The following RIMS1 variants were observed in gnomAD, a reference collection of about 807,000 sequenced individuals.
RIMS1 encodes regulating synaptic membrane exocytosis protein 1.
RIMS1 carries 83 observed loss-of-function variants against 214.1 expected under a neutral mutation model. The ratio of observed to expected loss-of-function variants is 0.39; its 90% CI spans 0.32 to 0.47. RIMS1 has a LOEUF of 0.47. Among genes scored for constraint, RIMS1 ranks in the 20% least tolerant of loss-of-function variants. The pLI, the probability that RIMS1 is intolerant of heterozygous loss-of-function variation, is 0.99. For synonymous variants in RIMS1, 793 were observed against 786.8 expected (o/e 1.01, Z -0.13); for missense variants, 2,050 against 2,161.8 (o/e 0.95, Z 1.03).
chr6:72,104,919 A>G (rs1351405357), intron 4 of RIMS1, among the ~76,000 whole-genome samples: 1 of 152,020 alleles, frequency 6.6e-6, no homozygotes, highest in Admixed American at 6.6e-5. Flanking sequence ...TAATTCATCC[A>G]TTCACTTATT....
Position 72,095,140 on chromosome 6 carries a change from T to A in RIMS1, c.246-1809T>A, listed in dbSNP as rs947178153. 2.1e-4 allele frequency among the ~76,000 whole-genome samples: 31 copies of A among 144,404 alleles called. 1 individual carries two copies. Among genetic ancestry groups the A allele is most frequent in the Middle Eastern group, 7.2e-3 (2 of 278 alleles). 94.7% of individuals were successfully genotyped at this position (144,404 alleles called of 152,430 possible). A position where few individuals can be genotyped will look rare whatever the true frequency, so the allele number is the denominator to read the frequency against. ...TATTTTTTTTTTTTTTTTTTTTGTA[T>A]TTTTAGTAGAGGCGGGGTTTCACAG... On this transcript the variant is annotated intron_variant, in intron 2 of 33. Transcript: ENST00000521978.
At chr6:71,988,752 C>T (rs1800734010) in intron 2 of RIMS1, among the ~76,000 whole-genome samples, 1 of 152,128 alleles carries the variant, frequency 6.6e-6, no homozygotes, top group Non-Finnish European at 1.5e-5. Context: ...CCATAGCAAA[C>T]TGTAATACAG....
intron 4 of RIMS1, among the ~76,000 whole-genome samples, chr6:72,133,768 T>G (rs1234126372): frequency 6.6e-6 from 1 of 152,166 alleles, no homozygotes; most frequent in Non-Finnish European, 1.5e-5. Context: ...GAGTAAATAA[T>G]GCAGGTGGGA....
intron 31 of RIMS1, 66 bp from the exon 32 acceptor site, chr6:72,398,183 C>A: frequency 1.0e-6 from 1 of 995,004 alleles, no homozygotes; most frequent in Non-Finnish European, 1.6e-6. Flanking sequence ...ACGGGCTCTC[C>A]TTTTTGTTTT....
At chr6:71,894,791 A>G (rs889261606) in intron 1 of RIMS1, among the ~76,000 whole-genome samples, 3 of 152,234 alleles carry the variant, frequency 2.0e-5, no homozygotes, top group African/African-American at 7.2e-5. Context: ...TTTAGATAGT[A>G]AAATAAGGTA....
chr6:71,923,145 T>A (rs969324624), intron 1 of RIMS1, among the ~76,000 whole-genome samples: 3 of 152,240 alleles, frequency 2.0e-5, no homozygotes, highest in Admixed American at 1.3e-4. Flanking sequence ...CCATTTGTAA[T>A]GTTCTACAGT....
intron 29 of RIMS1, among the ~76,000 whole-genome samples, chr6:72,367,427 CT>C (rs2098074237): frequency 2.0e-5 from 3 of 151,914 alleles, no homozygotes; most frequent in African/African-American, 7.3e-5. Context: ...TAAATTTTGC[CT>C]TTTATTTTGT....
At chr6:71,900,551 T>C (rs1287614635) in intron 1 of RIMS1, among the ~76,000 whole-genome samples, 2 of 152,040 alleles carry the variant, frequency 1.3e-5, no homozygotes, top group Non-Finnish European at 2.9e-5. Context: ...GTGGCAGATG[T>C]TAGAAGCAGA....
intron 4 of RIMS1, among the ~76,000 whole-genome samples, chr6:72,145,547 G>A (rs925939583): frequency 1.3e-5 from 2 of 152,114 alleles, no homozygotes; most frequent in South Asian, 4.1e-4. Context: ...GGGAGGCAGA[G>A]GTTGCAGTGA....
At chr6:72,019,179 A>C (rs764813712) in intron 2 of RIMS1, among the ~76,000 whole-genome samples, 1 of 152,218 alleles carries the variant, frequency 6.6e-6, no homozygotes, top group Non-Finnish European at 1.5e-5. Context: ...GAAAATACTT[A>C]TATGAATTTT....
intron 2 of RIMS1, among the ~76,000 whole-genome samples, chr6:72,080,512 C>CGTAT (rs1481494824): frequency 6.6e-6 from 1 of 152,148 alleles, no homozygotes; most frequent in Non-Finnish European, 1.5e-5. Context: ...CCAGAGGGAG[C>CGTAT]GTATGAAAAT....
chr6:72,379,211 T>C (rs147488753), intron 29 of RIMS1, among the ~76,000 whole-genome samples: 38 of 152,362 alleles, frequency 2.5e-4, no homozygotes, highest in African/African-American at 8.9e-4. Flanking sequence ...TAATCAAGAC[T>C]CTTACATAAT....
chr6:72,260,806 G>A, intron 19 of RIMS1, 39 bp downstream of exon 19: 2 of 1,606,314 alleles, frequency 1.2e-6, no homozygotes. Context: ...TGTGTGTGAT[G>A]ACTCTCTTTC....
At position 72,401,937 on chromosome 6, in the gene RIMS1, T is replaced by TG. The variant is rs913938146; in HGVS notation, c.*1229dup. Reference sequence around the variant, plus strand: ...TTTTAATGCAAAGTATCTTACTTTTTGGGGGGAAAATAAACAAAATGAACT... The same window carrying TG: ...TTTTAATGCAAAGTATCTTACTTTTTGGGGGGGAAAATAAACAAAATGAACT... On this transcript the variant is annotated 3_prime_UTR_variant, in exon 34 of 34. Coordinates refer to ENST00000521978, the MANE Select transcript of RIMS1 (RefSeq NM_014989.7). 1.1e-3 allele frequency: 173 copies of TG among 152,774 alleles called. No homozygotes were observed. The highest frequency in any genetic ancestry group is 3.4e-3 in the African/African-American group (142 of 41,586). The allele number at this position is 152,774 out of a possible 1,614,324, so 9.5% of individuals were successfully genotyped here.
At chr6:72,008,813 G>A (rs561223253) in intron 2 of RIMS1, among the ~76,000 whole-genome samples, 43 of 152,244 alleles carry the variant, frequency 2.8e-4, no homozygotes, top group African/African-American at 9.9e-4. Context: ...GGAGCACCCA[G>A]ATTCATAAAG....
chr6:72,153,016 ATGTG>A (rs67510527), intron 4 of RIMS1, among the ~76,000 whole-genome samples: 1 of 129,800 alleles, frequency 7.7e-6, no homozygotes, highest in South Asian at 2.3e-4. Flanking sequence ...ATGTATATAT[ATGTG>A]TGTGTGTATA....
At chr6:71,902,771 T>G (rs1774079003) in intron 1 of RIMS1, among the ~76,000 whole-genome samples, 1 of 152,068 alleles carries the variant, frequency 6.6e-6, no homozygotes, top group African/African-American at 2.4e-5. Flanking sequence ...AGTGAAAACA[T>G]GTGATATTCG....
chr6:72,163,984 C>A (rs948267186), intron 4 of RIMS1, among the ~76,000 whole-genome samples: 1 of 152,188 alleles, frequency 6.6e-6, no homozygotes, highest in African/African-American at 2.4e-5. Flanking sequence ...GCCCTGCCCC[C>A]AGAGGTGGAG....
chr6:71,940,992 G>A (rs1308003254), intron 1 of RIMS1, among the ~76,000 whole-genome samples: 1 of 152,140 alleles, frequency 6.6e-6, no homozygotes, highest in Admixed American at 6.5e-5. Flanking sequence ...GGGTCTCATA[G>A]TCAGGAAGAA....
Sources: gnomAD v4.1 joint callset for allele counts (sites outside exome capture counted in the v4.1 genomes callset) on GRCh38, gnomAD v4.1.1 for gene constraint, MANE v1.5 for transcripts, NCBI Gene and HGNC (gene_info 2026-07-23, HGNC 2026-07-21) for gene names.